NAAA: variants seen among roughly 807,000 people sequenced by gnomAD.
NAAA encodes N-acylethanolamine-hydrolyzing acid amidase.
Under a neutral mutation model 44.8 loss-of-function variants are expected in NAAA, and 39 were observed. That is an observed-to-expected ratio of 0.87 (90% confidence interval 0.67 to 1.14). The LOEUF (loss-of-function observed/expected upper bound fraction) is 1.14. NAAA is among the 50% of genes most tolerant of loss of function. The probability of loss-of-function intolerance (pLI) is 0.00; values close to 1 mark genes in which losing one functional copy is unlikely to be tolerated. For synonymous variants in NAAA, 178 were observed against 191.3 expected (o/e 0.93, Z 0.58); for missense variants, 460 against 467.8 (o/e 0.98, Z 0.15).
At chr4:75,938,089 C>G (rs1727892007) in intron 2 of NAAA, among the ~76,000 whole-genome samples, 1 of 152,186 alleles carries the variant, frequency 6.6e-6, no homozygotes, top group Non-Finnish European at 1.5e-5. Flanking sequence ...CCCACTGAGG[C>G]TTGGTTTCCA....
chr4:75,910,656 A>G (rs781049579), downstream of NAAA, among the ~76,000 whole-genome samples: 38 of 152,266 alleles, frequency 2.5e-4, no homozygotes, highest in Non-Finnish European at 5.4e-4. Context: ...AAGAGAATGT[A>G]GGTGAGCAAT....
At chr4:75,914,462 C>T (rs1725475588) in intron 10 of NAAA, 124 bp from the exon 11 acceptor site, 1 of 310,402 alleles carries the variant, frequency 3.2e-6, no homozygotes, top group Non-Finnish European at 4.7e-6. Context: ...ACAAACTCCA[C>T]CTCCCGAGTT....
chr4:75,920,457 G>A (rs1234445990), intron 7 of NAAA, among the ~76,000 whole-genome samples: 1 of 152,140 alleles, frequency 6.6e-6, no homozygotes, highest in African/African-American at 2.4e-5. Flanking sequence ...GGTAAACAGA[G>A]GCCCGAGAGC....
chr4:75,927,471 A>G (rs1156566962), intron 4 of NAAA, among the ~76,000 whole-genome samples: 2 of 151,326 alleles, frequency 1.3e-5, no homozygotes, highest in Admixed American at 6.6e-5. Context: ...GAGAAAAAGA[A>G]AAAAAACAGG....
intron 4 of NAAA, among the ~76,000 whole-genome samples, chr4:75,926,705 A>G (rs1016510034): frequency 2.6e-5 from 4 of 151,884 alleles, no homozygotes; most frequent in African/African-American, 9.7e-5. Flanking sequence ...AAACATTCCA[A>G]TTTAAAAATG....
chr4:75,938,810 T>C (rs1475901801), intron 2 of NAAA, among the ~76,000 whole-genome samples: 2 of 152,206 alleles, frequency 1.3e-5, no homozygotes, highest in Non-Finnish European at 2.9e-5. Context: ...GCACTTTGCC[T>C]GGGATCAACC....
intron 2 of NAAA, among the ~76,000 whole-genome samples, chr4:75,939,438 C>CA (rs1285351552): frequency 4.4e-5 from 6 of 135,676 alleles, no homozygotes; most frequent in Non-Finnish European, 9.3e-5. Flanking sequence ...TTTTTTGAGA[C>CA]AGAGTCTCGC....
chr4:75,923,274 A>G (rs1324923859), intron 5 of NAAA, among the ~76,000 whole-genome samples: 1 of 152,068 alleles, frequency 6.6e-6, no homozygotes, highest in East Asian at 1.9e-4. Context: ...TTATCAAATC[A>G]AGAACTTTCA....
Position 75,940,140 on chromosome 4 carries a change from C to T in NAAA, c.232G>A (p.Val78Met). 5 of 1,614,080 alleles carry T rather than the reference C, an allele frequency of 3.1e-6. No homozygotes were observed. The highest frequency in any genetic ancestry group is 4.2e-6 in the Non-Finnish European group (5 of 1,180,028). The change falls in exon 2 of 11, where the codon GTG becomes ATG. Residue 78 changes from valine (V) to methionine (M), a missense_variant. Val to Met is a conservative substitution (Grantham distance 21). Coordinates refer to ENST00000286733, the MANE Select transcript of NAAA (RefSeq NM_014435.4). ...TCCAGGACCACTTTTCCGATTAACA[C>T]GTGCACCCACTTGGGGACTCTGTCC... The part of the protein sequence containing the change: ...IGDRVPKWVH[V>M]LIGKVVLELE...
chr4:75,934,421 T>C (rs538097836), intron 3 of NAAA, among the ~76,000 whole-genome samples: 183 of 151,620 alleles, frequency 1.2e-3, no homozygotes, highest in Non-Finnish European at 2.1e-3. Context: ...GTTCAAGCGA[T>C]TCCCCTGCCT....
At chr4:75,933,232 T>C (rs2149278193) in intron 3 of NAAA, among the ~76,000 whole-genome samples, 1 of 152,238 alleles carries the variant, frequency 6.6e-6, no homozygotes, top group Non-Finnish European at 1.5e-5. Context: ...TAGTCCTAGA[T>C]TGATATTTTC....
chr4:75,940,159 T>A lies in NAAA; in HGVS notation c.213A>T (p.Arg71Ser). The change falls in exon 2 of 11, where the codon AGA becomes AGT. Residue 71 changes from arginine (R) to serine (S), a missense_variant. Arg to Ser is a moderately radical substitution (Grantham distance 110, BLOSUM62 -1). Transcript: ENST00000286733. Reference sequence around the variant, plus strand: ...TTAACACGTGCACCCACTTGGGGACTCTGTCCCTAGAAACAAAAAGCACAA... The same window carrying A: ...TTAACACGTGCACCCACTTGGGGACACTGTCCCTAGAAACAAAAAGCACAA... ...RAAMAQVIGD[R>S]VPKWVHVLIG... 1 of 1,613,184 alleles carries A rather than the reference T, an allele frequency of 6.2e-7. No individual in the cohort carries two copies. Among genetic ancestry groups the A allele is most frequent in the Non-Finnish European group, 8.5e-7 (1 of 1,179,406 alleles).
chr4:75,932,786 G>GTAA (rs1727351795), intron 3 of NAAA, among the ~76,000 whole-genome samples: 1 of 151,832 alleles, frequency 6.6e-6, no homozygotes, highest in Non-Finnish European at 1.5e-5. Flanking sequence ...TTACAGGTGT[G>GTAA]AGCCACCACA....
At position 75,914,974 on chromosome 4, in the gene NAAA, T is replaced by C. The variant is rs1023342871; in HGVS notation, c.1010A>G (p.Tyr337Cys). The C allele has an allele frequency of 6.8e-6, 11 of 1,611,244 alleles. No individual in the cohort carries two copies. The highest frequency in any genetic ancestry group is 1.1e-5 in the South Asian group (1 of 91,012). ...VVPVYNNFTIYTTVMSAGSPD... is the reference protein window; with the variant it reads ...VVPVYNNFTICTTVMSAGSPD... ...GCTACCGGCGCTCATTACCGTAGTA[T>C]AAATTGTGAAGCTGAAAATTATGAG... The change falls in exon 10 of 11, where the codon TAT (tyrosine) becomes TGT (cysteine). Residue 337 changes from tyrosine (Y) to cysteine (C), a missense_variant. Physicochemically the swap from Tyr to Cys is radical, Grantham distance 194. Transcript: ENST00000286733.
chr4:75,919,380 T>C (rs1214757111), intron 8 of NAAA: 1 of 153,532 alleles, frequency 6.5e-6, no homozygotes, highest in Non-Finnish European at 1.4e-5. Flanking sequence ...TTTTAAACAA[T>C]GAACATATAT....
At chr4:75,918,830 T>C (rs747402461) in intron 8 of NAAA, 41 bp from the exon 9 acceptor site, 2 of 1,563,432 alleles carry the variant, frequency 1.3e-6, no homozygotes, top group Admixed American at 3.3e-5. Flanking sequence ...GATTACATGG[T>C]AGAAGAAATA....
At chr4:75,910,873 A>G (rs540938611), downstream of NAAA, among the ~76,000 whole-genome samples, 1 of 152,248 alleles carries the variant, frequency 6.6e-6, no homozygotes, top group Admixed American at 6.5e-5. Context: ...CTTTTTAATC[A>G]CCTGGGTGCA....
downstream of NAAA, among the ~76,000 whole-genome samples, chr4:75,912,161 T>G: frequency 6.6e-6 from 1 of 152,212 alleles, no homozygotes; most frequent in East Asian, 1.9e-4. Flanking sequence ...CCTCAATGCC[T>G]TCGCTTTGCC....
chr4:75,940,359 A>C, intron 1 of NAAA, 194 bp from the exon 2 acceptor site: 35 of 516,882 alleles, frequency 6.8e-5, no homozygotes, highest in Non-Finnish European at 8.2e-5. Context: ...GGCGGGGGGA[A>C]GGCGGCGGGT....
Sources: allele counts gnomAD v4.1 joint callset (sites outside exome capture counted in the v4.1 genomes callset), GRCh38; gene constraint gnomAD v4.1.1; transcripts MANE v1.5; gene names NCBI Gene and HGNC (gene_info 2026-07-23, HGNC 2026-07-21).